The following CCDC110 variants were observed in gnomAD, a reference collection of about 807,000 sequenced individuals.
The protein encoded by CCDC110 is coiled-coil domain-containing protein 110.
CCDC110 carries 70 observed loss-of-function variants against 77.1 expected under a neutral mutation model. That is an observed-to-expected ratio of 0.91 (90% CI 0.75 to 1.11). CCDC110 has a LOEUF of 1.11. CCDC110 is among the 50% of genes least tolerant of loss of function. The probability of loss-of-function intolerance (pLI) is 0.00; values close to 1 mark genes in which losing one functional copy is unlikely to be tolerated. For missense variants in CCDC110, 868 were observed against 942.9 expected (o/e 0.92, Z 1.04); for synonymous variants, 295 against 312.5 (o/e 0.94, Z 0.59).
rs2095606900 is a variant in CCDC110 at position 185,445,217 on chromosome 4, A to G, written c.*285T>C. On this transcript the variant is annotated 3_prime_UTR_variant, in exon 7 of 7. Coordinates refer to ENST00000307588, the MANE Select transcript of CCDC110 (RefSeq NM_152775.4). ...CTTCAAAATAGTATCTTTTATTTAT[A>G]TATACTTTTTTAAATGACAAATGTG... 6 of 1,210,644 alleles carry G rather than the reference A, an allele frequency of 5.0e-6. No individual in the cohort carries two copies. In the African/African-American group the frequency reaches 6.1e-5, roughly 12 times the overall value. 75.0% of individuals were successfully genotyped at this position (1,210,644 alleles called of 1,614,324 possible).
chr4:185,456,878 C>A (rs2095636715), intron 6 of CCDC110, among the ~76,000 whole-genome samples: 1 of 151,994 alleles, frequency 6.6e-6, no homozygotes, highest in Non-Finnish European at 1.5e-5. Context: ...AATACCAATC[C>A]TACACAAATT....
In CCDC110 at chr4:185,458,866, A is replaced by C; in HGVS notation, c.1721T>G (p.Met574Arg). ...NNRMSIEMEA[M>R]KTNILLIQDE... ...TTGTATCAACAGAATATTGGTTTTC[A>C]TTGCTTCCATTTCTATACTCATTCG... Residue 574 changes from methionine to arginine, a missense_variant, in exon 6 of 7, where the codon ATG (methionine) becomes AGG (arginine). Met to Arg is a moderately conservative substitution (Grantham distance 91, BLOSUM62 -1). Transcript: ENST00000307588. The C allele has an allele frequency of 6.2e-7, 1 of 1,604,376 alleles. No homozygotes were observed. Among genetic ancestry groups the C allele is most frequent in the Non-Finnish European group, 8.5e-7 (1 of 1,177,908 alleles).
At position 185,468,835 on chromosome 4, in the gene CCDC110, TTGTC is replaced by T. The variant is rs1255190280; in HGVS notation, c.115+2106_115+2109del. On this transcript the variant is annotated intron_variant, in intron 2 of 6. Coordinates refer to ENST00000307588, the MANE Select transcript of CCDC110 (RefSeq NM_152775.4). The surrounding 1 kb of genome is among the most constrained non-coding windows in gnomAD (Gnocchi z 4.5). ...ATTCCCCGCTTACACACAATAGCCT[TTGTC>T]TGTCTGTTCCCTCACTAGAAGGTAA... Among the ~76,000 whole-genome samples, 15 of 152,200 alleles carry T rather than the reference TTGTC, an allele frequency of 9.9e-5. No individual in the cohort carries two copies. The highest frequency in any genetic ancestry group is 3.1e-4 in the African/African-American group (13 of 41,438).
At chr4:185,449,639 T>C (rs2095625677) in intron 6 of CCDC110, 1 of 1,536,254 alleles carries the variant, frequency 6.5e-7, no homozygotes, top group Non-Finnish European at 8.8e-7. Context: ...AGTACCATCC[T>C]ATTAGCAACT....
chr4:185,448,831 G>A (rs575815709), intron 6 of CCDC110, among the ~76,000 whole-genome samples: 2 of 152,096 alleles, frequency 1.3e-5, no homozygotes, highest in South Asian at 4.1e-4. Flanking sequence ...TCTATCCAGA[G>A]AATAAACCTG....
chr4:185,448,277 T>A (rs1399448205), intron 6 of CCDC110, among the ~76,000 whole-genome samples: 2 of 152,190 alleles, frequency 1.3e-5, no homozygotes, highest in Non-Finnish European at 2.9e-5. Context: ...CGCCTCAGCC[T>A]CCCAAAGTGC....
In CCDC110 at chr4:185,445,461, G is replaced by T. The variant is rs11737048; in HGVS notation, c.*41C>A. ...TCAGTTAGCAGTACAATTAACATTG[G>T]CTATTTCTCGAAGGGAGTTTCTTAG... is the stretch of plus-strand genomic sequence containing the variant. On this transcript the variant is annotated 3_prime_UTR_variant, in exon 7 of 7. Transcript: ENST00000307588. The T allele has an allele frequency of 0.05, 69,368 of 1,387,580 alleles. 2,879 individuals carry two copies. The highest frequency in any genetic ancestry group is 0.19 in the African/African-American group (12,952 of 69,462). The allele number at this position is 1,387,580 out of a possible 1,614,324, so 86.0% of individuals were successfully genotyped here. A position where few individuals can be genotyped will look rare whatever the true frequency, so the allele number is the denominator to read the frequency against.
intron 3 of CCDC110, 112 bp from the exon 4 acceptor site, chr4:185,462,820 G>T: frequency 1.9e-6 from 2 of 1,074,524 alleles, no homozygotes; most frequent in Non-Finnish European, 2.8e-6. Flanking sequence ...AAGATCCCGT[G>T]AGGGTCAGGT....
Position 185,458,429 on chromosome 4 carries a change from C to T in CCDC110, c.2158G>A (p.Glu720Lys), listed in dbSNP as rs748614778. ...TCTTGACTATGTTTCTTTAGTTCTTCTTTTAGAATCTGATTATCTGTTTTG... is the reference window on the plus strand; with the variant it reads ...TCTTGACTATGTTTCTTTAGTTCTTTTTTTAGAATCTGATTATCTGTTTTG... ...ETKTDNQILK[E>K]ELKKHSQENI... The change falls in exon 6 of 7, where the codon GAA becomes AAA. Residue 720 changes from glutamate to lysine, a missense_variant. Physicochemically the swap from Glu to Lys is moderately conservative, Grantham distance 56. Transcript: ENST00000307588. The T allele has an allele frequency of 1.2e-5, 19 of 1,597,010 alleles. No homozygotes were observed. Among genetic ancestry groups the T allele is most frequent in the Middle Eastern group, 1.7e-4 (1 of 5,946 alleles).
Position 185,468,897 on chromosome 4 carries a change from G to A in CCDC110, c.115+2048C>T, listed in dbSNP as rs979481520. On this transcript the variant is annotated intron_variant, in intron 2 of 6. Transcript: ENST00000307588. The surrounding 1 kb of genome is among the most constrained non-coding windows in gnomAD (Gnocchi z 4.5). ...GTGGGCAGGGAATCTTGCAAGTCTT[G>A]TTCACTGTTGGATCCCCAGCACCTA... 6.6e-6 allele frequency among the ~76,000 whole-genome samples: 1 copy of A among 152,172 alleles called. No individual in the cohort carries two copies. Among genetic ancestry groups the A allele is most frequent in the Non-Finnish European group, 1.5e-5 (1 of 68,032 alleles).
intron 6 of CCDC110, among the ~76,000 whole-genome samples, chr4:185,446,435 C>A (rs755901864): frequency 2.0e-3 from 301 of 152,120 alleles, no homozygotes; most frequent in Non-Finnish European, 1.7e-3. Flanking sequence ...TGAGAAGATT[C>A]TGTGGTCCCT....
chr4:185,449,624 T>C (rs1168255132), intron 6 of CCDC110: 1 of 1,543,736 alleles, frequency 6.5e-7, no homozygotes, highest in Admixed American at 2.0e-5. Context: ...CTACAAGACT[T>C]CTTCAGTACC....
intron 2 of CCDC110, among the ~76,000 whole-genome samples, chr4:185,466,313 T>C (rs1320809723): frequency 1.3e-5 from 2 of 152,092 alleles, no homozygotes; most frequent in Admixed American, 1.3e-4. Flanking sequence ...AGGTGGAGGT[T>C]GCAGTGAGCC....
chr4:185,458,366 C>T lies in CCDC110; in HGVS notation c.2221G>A (p.Glu741Lys). Residue 741 changes from glutamate (E) to lysine (K), a missense_variant, in exon 6 of 7, where the codon GAA (glutamate) becomes AAA (lysine). Transcript: ENST00000307588. ...KFENSISRLT[E>K]DKILLENYVR... is the part of the protein sequence containing the mutation. ...TAATTTTCTAAAAGTATTTTGTCTT[C>T]AGTAAGTCTACTGATGCTGTTTTCA... is the stretch of plus-strand genomic sequence containing the variant. 2.5e-6 allele frequency: 4 copies of T among 1,590,056 alleles called. No homozygotes were observed. Among genetic ancestry groups the T allele is most frequent in the Non-Finnish European group, 3.4e-6 (4 of 1,171,764 alleles).
chr4:185,457,624 T>G (rs2095637901), intron 6 of CCDC110: 5 of 564,932 alleles, frequency 8.9e-6, no homozygotes, highest in Non-Finnish European at 1.5e-5. Flanking sequence ...CTTGACAGTA[T>G]AAAATATATA....
chr4:185,455,806 C>A (rs2095635190), intron 6 of CCDC110, among the ~76,000 whole-genome samples: 1 of 152,018 alleles, frequency 6.6e-6, no homozygotes, highest in Non-Finnish European at 1.5e-5. Context: ...TTGCTGGAAC[C>A]CAGGAGGTGG....
chr4:185,453,521 A>G (rs1261141704), intron 6 of CCDC110, among the ~76,000 whole-genome samples: 1 of 151,480 alleles, frequency 6.6e-6, no homozygotes, highest in African/African-American at 2.4e-5. Flanking sequence ...CACAACTAGC[A>G]GTGGCAAAGC....
chr4:185,461,763 A>T (rs192649744), intron 4 of CCDC110, among the ~76,000 whole-genome samples: 34 of 152,274 alleles, frequency 2.2e-4, no homozygotes, highest in Non-Finnish European at 4.4e-5. Flanking sequence ...CCCAGTCGGG[A>T]TCCATCTGAA....
intron 2 of CCDC110, chr4:185,470,468 CT>C (rs1180565208): frequency 3.2e-5 from 11 of 342,632 alleles, no homozygotes; most frequent in East Asian, 7.5e-5. Context: ...ATTTTCCCCC[CT>C]GAATATTTTC....
Sources: gnomAD v4.1 joint callset for allele counts (sites outside exome capture counted in the v4.1 genomes callset) on GRCh38, gnomAD v4.1.1 for gene constraint, Gnocchi (gnomAD v3.1) non-coding constraint, MANE v1.5 for transcripts, NCBI Gene and HGNC (gene_info 2026-07-23, HGNC 2026-07-21) for gene names.